The following MYT1L variants were observed in gnomAD, a reference collection of about 807,000 sequenced individuals.
MYT1L encodes myelin transcription factor 1 like.
In MYT1L, 12 loss-of-function variants were observed where a neutral mutation model predicts 126.7. That is an observed-to-expected ratio of 0.09 (90% CI 0.06 to 0.15). The LOEUF (loss-of-function observed/expected upper bound fraction) is 0.15. Among genes scored for constraint, MYT1L ranks in the 10% least tolerant of loss-of-function variants. MYT1L has a pLI of 1.00. For synonymous variants in MYT1L, 541 were observed against 604.2 expected (o/e 0.90, Z 1.53); for missense variants, 979 against 1,585.2 (o/e 0.62, Z 6.49).
chr2:2,307,904 T>C (rs1175589728), intron 1 of MYT1L, among the ~76,000 whole-genome samples: 2 of 149,446 alleles, frequency 1.3e-5, no homozygotes, highest in Non-Finnish European at 3.0e-5. Context: ...CATGTTTCAG[T>C]ACACTCTATC....
At chr2:1,903,409 C>A in intron 13 of MYT1L, 115 bp from the exon 14 acceptor site, 1 of 809,186 alleles carries the variant, frequency 1.2e-6, no homozygotes, top group Non-Finnish European at 1.9e-6. Flanking sequence ...ACAATCAGAA[C>A]CTTGCACTAA....
intron 3 of MYT1L, among the ~76,000 whole-genome samples, chr2:2,109,332 C>A (rs538716240): frequency 6.6e-6 from 1 of 152,264 alleles, no homozygotes; most frequent in African/African-American, 2.4e-5. Context: ...GCGGATCCAG[C>A]CCCCTCCAGA....
intron 8 of MYT1L, among the ~76,000 whole-genome samples, chr2:1,945,083 T>C (rs1048538391): frequency 6.6e-6 from 1 of 151,934 alleles, no homozygotes; most frequent in Non-Finnish European, 1.5e-5. Context: ...CTCAGAAAAC[T>C]AAAACAAAAG....
chr2:1,809,202 T>G (rs961859172), intron 21 of MYT1L, 35 bp from the exon 22 acceptor site: 9 of 1,590,484 alleles, frequency 5.7e-6, no homozygotes, highest in African/African-American at 2.7e-5. Flanking sequence ...ATTAGTCAAC[T>G]GTCTAATGTC....
intron 18 of MYT1L, among the ~76,000 whole-genome samples, chr2:1,874,430 A>G (rs986062933): frequency 1.3e-5 from 2 of 152,186 alleles, no homozygotes; most frequent in African/African-American, 4.8e-5. Flanking sequence ...GACTTTCTTT[A>G]GCACTGGCCA....
chr2:1,939,479 C>T (rs945716843), intron 9 of MYT1L, among the ~76,000 whole-genome samples: 4 of 152,296 alleles, frequency 2.6e-5, no homozygotes, highest in African/African-American at 7.2e-5. Flanking sequence ...TGGAATCTCC[C>T]GTACTTACGC....
chr2:2,212,883 G>T (rs2093570253), intron 2 of MYT1L, among the ~76,000 whole-genome samples: 2 of 152,150 alleles, frequency 1.3e-5, no homozygotes, highest in Admixed American at 1.3e-4. Context: ...AGTGCCCTGT[G>T]CCCAAGGCCT....
intron 4 of MYT1L, among the ~76,000 whole-genome samples, chr2:2,027,508 G>T (rs1025550409): frequency 6.6e-6 from 1 of 152,204 alleles, no homozygotes; most frequent in Non-Finnish European, 1.5e-5. Context: ...TGGGAAATAA[G>T]CCAACGTGTA....
intron 3 of MYT1L, among the ~76,000 whole-genome samples, chr2:2,165,678 G>A: frequency 6.6e-6 from 1 of 151,926 alleles, no homozygotes; most frequent in South Asian, 2.1e-4. Flanking sequence ...TTCCACAATT[G>A]CTGCTGTTTT....
At chr2:2,154,780 C>A (rs371563941) in intron 3 of MYT1L, among the ~76,000 whole-genome samples, 1 of 152,132 alleles carries the variant, frequency 6.6e-6, no homozygotes. Context: ...CCCTGTGACA[C>A]GAGTTTACCT....
chr2:1,809,765 TTTCAAACTTTCCAGGTGTCTC>T (rs1387572827), intron 21 of MYT1L: 1 of 152,442 alleles, frequency 6.6e-6, no homozygotes, highest in Non-Finnish European at 1.5e-5. Context: ...TTCAGTCTGT[TTTCAAACTTTCCAGGTGTCTC>T]TTCACTTTTC....
chr2:2,266,262 T>C (rs910109488), intron 2 of MYT1L, among the ~76,000 whole-genome samples: 1 of 152,220 alleles, frequency 6.6e-6, no homozygotes, highest in Admixed American at 6.5e-5. Context: ...CGGACTTCAC[T>C]GCCCCTGCCT....
At chr2:2,141,823 C>A (rs2084029395) in intron 3 of MYT1L, among the ~76,000 whole-genome samples, 1 of 152,118 alleles carries the variant, frequency 6.6e-6, no homozygotes, top group Non-Finnish European at 1.5e-5. Context: ...TGGAGTAAAA[C>A]CTTAGTCCAG....
intron 4 of MYT1L, among the ~76,000 whole-genome samples, chr2:2,010,374 T>C (rs1364909225): frequency 6.6e-6 from 1 of 152,062 alleles, no homozygotes; most frequent in Non-Finnish European, 1.5e-5. Flanking sequence ...GCTGACTGTA[T>C]GTTGTTAAGT....
intron 3 of MYT1L, among the ~76,000 whole-genome samples, chr2:2,147,043 G>C (rs1458040550): frequency 6.6e-6 from 1 of 152,204 alleles, no homozygotes; most frequent in South Asian, 2.1e-4. Flanking sequence ...TGACAATTGG[G>C]CTGCTGCAGT....
At position 1,892,282 on chromosome 2, in the gene MYT1L, G is replaced by T. The variant is rs1271035520; in HGVS notation, c.2038C>A (p.Arg680=). ...ISPKGYDDAK[R]YCKDPSPSSS... is the part of the protein sequence containing the mutation. ...CTGGGGCTGGGGTCCTTGCAGTACC[G>T]CTTCGCTGGGGAGACAGGGACAGGG... Residue 680 remains arginine, a synonymous_variant, in exon 15 of 25, where the codon CGG becomes AGG. Coordinates refer to ENST00000647738, the MANE Select transcript of MYT1L (RefSeq NM_001303052.2). 2 of 1,548,218 alleles carry T rather than the reference G, an allele frequency of 1.3e-6. No homozygotes were observed. The highest frequency in any genetic ancestry group is 2.0e-5 in the Admixed American group (1 of 50,944).
intron 18 of MYT1L, among the ~76,000 whole-genome samples, chr2:1,871,437 C>T (rs71440700): frequency 0.016 from 2,404 of 152,352 alleles, 39 homozygotes; most frequent in Non-Finnish European, 0.027. Context: ...GCCCTGCAGC[C>T]GCAGTCCTCT....
intron 3 of MYT1L, among the ~76,000 whole-genome samples, chr2:2,128,909 T>C (rs1337650939): frequency 1.3e-5 from 2 of 152,292 alleles, no homozygotes; most frequent in Non-Finnish European, 2.9e-5. Flanking sequence ...TGCATAAATA[T>C]TAAAAGGGAA....
intron 23 of MYT1L, among the ~76,000 whole-genome samples, chr2:1,797,577 C>A (rs2033864953): frequency 6.6e-6 from 1 of 152,216 alleles, no homozygotes; most frequent in Non-Finnish European, 1.5e-5. Flanking sequence ...GCAGACTCTT[C>A]TTTTCAAGCT....
Sources: allele counts gnomAD v4.1 joint callset (sites outside exome capture counted in the v4.1 genomes callset), GRCh38; gene constraint gnomAD v4.1.1; transcripts MANE v1.5; gene names NCBI Gene and HGNC (gene_info 2026-07-23, HGNC 2026-07-21).